Variants in TAF1C observed in about 807,000 individuals in gnomAD.
TAF1C encodes the protein TATA-box binding protein associated factor, RNA polymerase I subunit C, also known as TATA box-binding protein-associated factor RNA polymerase I subunit C.
Under a neutral mutation model 70.5 loss-of-function variants are expected in TAF1C, and 79 were observed. That is an observed-to-expected ratio of 1.12 (90% CI 0.93 to 1.35). The LOEUF is 1.35. Among genes scored for constraint, TAF1C ranks in the 40% most tolerant of loss-of-function variants. The pLI is 0.00. For missense variants in TAF1C, 1,412 were observed against 1,127.8 expected (o/e 1.25, Z -3.61); for synonymous variants, 614 against 491.1 (o/e 1.25, Z -3.31).
chr16:84,180,360 G>C lies in TAF1C; in HGVS notation c.1309-16C>G. The stretch of plus-strand genomic sequence containing the variant: ...AGAGAGAGAACTGGGGCCCGAGAAG[G>C]AAGGGGGATGTGGCCGAACTTGGGA... On this transcript the variant is annotated splice_polypyrimidine_tract_variant and intron_variant, in intron 12 of 14. Coordinates refer to ENST00000566732, the MANE Select transcript of TAF1C (RefSeq NM_001243156.2). 4 of 1,531,958 alleles carry C rather than the reference G, an allele frequency of 2.6e-6. No homozygotes were observed. Among genetic ancestry groups the C allele is most frequent in the African/African-American group, 1.4e-5 (1 of 72,458 alleles). 94.9% of individuals were successfully genotyped at this position (1,531,958 alleles called of 1,614,324 possible).
chr16:84,183,574 G>C (rs748870683), intron 3 of TAF1C, 67 bp from the exon 4 acceptor site: 1 of 1,556,056 alleles, frequency 6.4e-7, no homozygotes, highest in East Asian at 2.3e-5. Context: ...CTGGGCGACT[G>C]GAGGTATCCA....
At chr16:84,180,774 A>G in intron 12 of TAF1C, 2 of 1,326,252 alleles carry the variant, frequency 1.5e-6, no homozygotes, top group Non-Finnish European at 1.9e-6. Flanking sequence ...TCTGCACGGA[A>G]GCCCCACCCC....
Position 84,178,072 on chromosome 16 carries a change from C to A in TAF1C, c.*869G>T. The stretch of plus-strand genomic sequence containing the variant: ...CAAAATCTCAAGTGAGCATTTTCCC[C>A]ACAGGAAAACAGAATCTTCCACTGC... On this transcript the variant is annotated 3_prime_UTR_variant, in exon 15 of 15. Transcript: ENST00000566732. 2.0e-6 allele frequency: 1 copy of A among 511,780 alleles called. No individual in the cohort carries two copies. The highest frequency in any genetic ancestry group is 3.6e-6 in the Non-Finnish European group (1 of 277,822). 31.7% of individuals were successfully genotyped at this position (511,780 alleles called of 1,614,324 possible). A position where few individuals can be genotyped will look rare whatever the true frequency, so the allele number is the denominator to read the frequency against.
At position 84,178,664 on chromosome 16, in the gene TAF1C, A is replaced by G. The variant is rs1321926174; in HGVS notation, c.*277T>C. 3 of 508,922 alleles carry G rather than the reference A, an allele frequency of 5.9e-6. No individual in the cohort carries two copies. The highest frequency in any genetic ancestry group is 7.1e-6 in the Non-Finnish European group (2 of 280,652). The allele number at this position is 508,922 out of a possible 1,614,324, so 31.5% of individuals were successfully genotyped here. On this transcript the variant is annotated 3_prime_UTR_variant, in exon 15 of 15. Coordinates refer to ENST00000566732, the MANE Select transcript of TAF1C (RefSeq NM_001243156.2). ...GAGGCGCAGCGGAGCCCTGCCTCCCAGCACAGACTAAAATCCCAGCAACAC... is the reference window on the plus strand; with the variant it reads ...GAGGCGCAGCGGAGCCCTGCCTCCCGGCACAGACTAAAATCCCAGCAACAC...
At position 84,179,607 on chromosome 16, in the gene TAF1C, C is replaced by A. The variant is rs748479972; in HGVS notation, c.1866G>T (p.Leu622=). 6.2e-7 allele frequency: 1 copy of A among 1,612,664 alleles called. No homozygotes were observed. Among genetic ancestry groups the A allele is most frequent in the African/African-American group, 1.3e-5 (1 of 74,910 alleles). ...QWLKALLKVP[L]APPVWTAPTF... ...TGGGTGCTGTCCACACAGGAGGAGC[C>A]AGGGGCACTTTTAGCAGGGCCTTCA... The change falls in exon 15 of 15, where the codon CTG becomes CTT. Residue 622 remains leucine (L), a synonymous_variant. Transcript: ENST00000566732.
chr16:84,181,573 T>G lies in TAF1C; in HGVS notation c.1028+19A>C, dbSNP rs2089196982. The stretch of plus-strand genomic sequence containing the variant: ...GTTCAGTTCGTTAGGGTGGGGGGTT[T>G]CACAGGAAGCGGCGATACCCATCCT... On this transcript the variant is annotated intron_variant, in intron 10 of 14. Transcript: ENST00000566732. 6.2e-7 allele frequency: 1 copy of G among 1,613,828 alleles called. No homozygotes were observed. Among genetic ancestry groups the G allele is most frequent in the Middle Eastern group, 1.6e-4 (1 of 6,062 alleles).
At position 84,181,599 on chromosome 16, in the gene TAF1C, CAG is replaced by C. The variant is rs761280327; in HGVS notation, c.1019_1020del (p.Pro340ArgfsTer12). 2 of 1,613,982 alleles carry C rather than the reference CAG, an allele frequency of 1.2e-6. No homozygotes were observed. The highest frequency in any genetic ancestry group is 1.7e-6 in the Non-Finnish European group (2 of 1,179,980). Reference protein sequence around the residue: ...SRSGAVCLWSPEDGLRQIYRD... With the variant: ...SRSGAVCLWSXEDGLRQIYRD... ...CACAGGAAGCGGCGATACCCATCCT[CAG>C]GGCTCCACAGGCAGACGGCTCCCGA... On this transcript the variant is annotated frameshift_variant, in exon 10 of 15. Coordinates refer to ENST00000566732, the MANE Select transcript of TAF1C (RefSeq NM_001243156.2). LOFTEE classifies it high-confidence loss of function.
At chr16:84,185,182 C>T (rs1027086729) in intron 1 of TAF1C, 122 bp from the exon 2 acceptor site, 15 of 579,336 alleles carry the variant, frequency 2.6e-5, no homozygotes, top group Admixed American at 7.4e-5. Context: ...ACCACCCGTC[C>T]AGGAGAAGGG....
intron 12 of TAF1C, chr16:84,180,771 G>A (rs1055498469): frequency 2.8e-5 from 37 of 1,324,126 alleles, no homozygotes; most frequent in African/African-American, 4.4e-5. Flanking sequence ...AGCTCTGCAC[G>A]GAAGCCCCAC....
Position 84,180,225 on chromosome 16 carries a change from C to T in TAF1C, c.1428G>A (p.Val476=), listed in dbSNP as rs1463518433. 11 of 1,540,636 alleles carry T rather than the reference C, an allele frequency of 7.1e-6. No homozygotes were observed. The highest frequency in any genetic ancestry group is 9.6e-6 in the Non-Finnish European group (11 of 1,148,768). Residue 476 remains valine, a synonymous_variant, in exon 13 of 15, where the codon GTG becomes GTA. Coordinates refer to ENST00000566732, the MANE Select transcript of TAF1C (RefSeq NM_001243156.2). ...CCTGGCCTCCGAGGAGCAGGGGCTGCACGCAGCTGGGCCGGGGCGGAGGCA... is the reference window on the plus strand; with the variant it reads ...CCTGGCCTCCGAGGAGCAGGGGCTGTACGCAGCTGGGCCGGGGCGGAGGCA... ...RLLPPPRPSC[V]QPLLLGGQGG...
rs886052373 is a variant in TAF1C at position 84,177,857 on chromosome 16, T to C, written c.*1084A>G. Reference sequence around the variant, plus strand: ...AGCATCATAGTTTTCCCCAGTTATATGTAGCATAAATGGTTTAATCATAAA... The same window carrying C: ...AGCATCATAGTTTTCCCCAGTTATACGTAGCATAAATGGTTTAATCATAAA... On this transcript the variant is annotated 3_prime_UTR_variant, in exon 15 of 15. Coordinates refer to ENST00000566732, the MANE Select transcript of TAF1C (RefSeq NM_001243156.2). The C allele has an allele frequency of 1.3e-5, 20 of 1,594,398 alleles. No individual in the cohort carries two copies. The African/African-American group carries it at 1.7e-4, about 14-fold the overall frequency.
At position 84,181,679 on chromosome 16, in the gene TAF1C, G is replaced by A. The variant is rs1352233296; in HGVS notation, c.957-16C>T. ...CAGGTGAGGGCTACAGGGCAGGAAT[G>A]CATTCACATCGGGCTGCTCAGCCCT... On this transcript the variant is annotated splice_polypyrimidine_tract_variant and intron_variant, in intron 9 of 14. Transcript: ENST00000566732. The A allele has an allele frequency of 1.5e-5, 25 of 1,613,886 alleles. No homozygotes were observed. The highest frequency in any genetic ancestry group is 2.1e-5 in the Non-Finnish European group (25 of 1,179,998).
intron 12 of TAF1C, 74 bp downstream of exon 12, chr16:84,180,969 T>C (rs1236366409): frequency 1.1e-5 from 17 of 1,509,290 alleles, no homozygotes; most frequent in Non-Finnish European, 1.4e-5. Context: ...GCAGAGCCGC[T>C]GGTAAGCAGC....
In TAF1C at chr16:84,182,355, A is replaced by C. The variant is rs1472531861; in HGVS notation, c.568T>G (p.Leu190Val). 1.2e-6 allele frequency: 2 copies of C among 1,611,884 alleles called. No individual in the cohort carries two copies. Among genetic ancestry groups the C allele is most frequent in the Middle Eastern group, 1.7e-4 (1 of 6,058 alleles). Reference protein sequence around the residue: ...PILGTSVASHLAELLHEELVL... With the variant: ...PILGTSVASHVAELLHEELVL... ...AGCTCCTCGTGCAGCAGCTCTGCCA[A>C]GTGGCTCGCCACCGACGTGCCCAGG... The change falls in exon 7 of 15, where the codon TTG becomes GTG. Residue 190 changes from leucine to valine, a missense_variant. Transcript: ENST00000566732. This position sits in a 1 kb window ranked among gnomAD's most constrained non-coding sequence, Gnocchi z 5.0.
chr16:84,182,923 A>G lies in TAF1C; in HGVS notation c.482+153T>C. The G allele has an allele frequency of 1.4e-6, 1 of 716,208 alleles. No individual in the cohort carries two copies. 44.4% of individuals were successfully genotyped at this position (716,208 alleles called of 1,614,324 possible). On this transcript the variant is annotated intron_variant, in intron 6 of 14. Coordinates refer to ENST00000566732, the MANE Select transcript of TAF1C (RefSeq NM_001243156.2). The surrounding 1 kb of genome is among the most constrained non-coding windows in gnomAD (Gnocchi z 5.0). ...TCTGCTTTCCCCTGAGATGATTTGG[A>G]GTTGGAAGTCTGGTATAAGAAAGTA...
chr16:84,181,179 G>T lies in TAF1C; in HGVS notation c.1172C>A (p.Pro391Gln). The T allele has an allele frequency of 1.2e-6, 2 of 1,607,484 alleles. No homozygotes were observed. Among genetic ancestry groups the T allele is most frequent in the Non-Finnish European group, 8.5e-7 (1 of 1,174,742 alleles). The change falls in exon 12 of 15, where the codon CCG (proline) becomes CAG (glutamine). Residue 391 changes from proline (P) to glutamine (Q), a missense_variant. By Grantham distance (76) the Pro-to-Gln change is moderately conservative (BLOSUM62 -1). Coordinates refer to ENST00000566732, the MANE Select transcript of TAF1C (RefSeq NM_001243156.2). ...GVKMLDTQGP[P>Q]GCGLLLFRLG... ...ACGAAAAAGCAACAGACCACAGCCCGGCGGGCCCTGGAAGATAAACACAGG... is the reference window on the plus strand; with the variant it reads ...ACGAAAAAGCAACAGACCACAGCCCTGCGGGCCCTGGAAGATAAACACAGG...
chr16:84,178,581 C>G lies in TAF1C; in HGVS notation c.*360G>C, dbSNP rs1238008064. 9.3e-6 allele frequency: 4 copies of G among 431,048 alleles called. No homozygotes were observed. Among genetic ancestry groups the G allele is most frequent in the Non-Finnish European group, 1.4e-5 (3 of 221,514 alleles). The allele number at this position is 431,048 out of a possible 1,614,324, so 26.7% of individuals were successfully genotyped here. A position where few individuals can be genotyped will look rare whatever the true frequency, so the allele number is the denominator to read the frequency against. ...ACGAGGAGCCAGCACTCCTGGCCCC[C>G]ATTCCACTGGACAGGAAGGCGTGAG... On this transcript the variant is annotated 3_prime_UTR_variant, in exon 15 of 15. Coordinates refer to ENST00000566732, the MANE Select transcript of TAF1C (RefSeq NM_001243156.2).
rs985071951 is a variant in TAF1C at position 84,178,625 on chromosome 16, A to G, written c.*316T>C. On this transcript the variant is annotated 3_prime_UTR_variant, in exon 15 of 15. Transcript: ENST00000566732. ...GCGTGAGAACTGAGGGACCTGCCTG[A>G]GGCCCCCACAGCTGAGGCGCAGCGG... is the stretch of plus-strand genomic sequence containing the variant. 1 of 445,734 alleles carries G rather than the reference A, an allele frequency of 2.2e-6. No individual in the cohort carries two copies. Among genetic ancestry groups the G allele is most frequent in the Non-Finnish European group, 4.2e-6 (1 of 238,338 alleles). The allele number at this position is 445,734 out of a possible 1,614,324, so 27.6% of individuals were successfully genotyped here.
intron 12 of TAF1C, chr16:84,180,838 G>A (rs2089134165): frequency 1.4e-6 from 2 of 1,401,808 alleles, no homozygotes; most frequent in African/African-American, 1.4e-5. Flanking sequence ...CTCTACTAAG[G>A]GGAGGCCCTG....
Sources: gnomAD v4.1 joint callset for allele counts on GRCh38, gnomAD v4.1.1 for gene constraint, Gnocchi (gnomAD v3.1) non-coding constraint, MANE v1.5 for transcripts, NCBI Gene and HGNC (gene_info 2026-07-23, HGNC 2026-07-21) for gene names.